The following CNGB3 variants were observed in gnomAD, a reference collection of about 807,000 sequenced individuals.
CNGB3 encodes the protein cyclic nucleotide-gated channel beta-3.
CNGB3 carries 86 observed loss-of-function variants against 92.8 expected under a neutral mutation model. The ratio of observed to expected loss-of-function variants is 0.93; its 90% CI spans 0.78 to 1.11. The LOEUF (loss-of-function observed/expected upper bound fraction) is 1.11. Among genes scored for constraint, CNGB3 ranks in the 50% least tolerant of loss-of-function variants. The pLI is 0.00. For missense variants in CNGB3, 1,026 were observed against 956.8 expected (o/e 1.07, Z -0.95); for synonymous variants, 333 against 332.7 (o/e 1.00, Z -0.01).
At chr8:86,619,151 G>A (rs1201092100) in intron 13 of CNGB3, among the ~76,000 whole-genome samples, 1 of 152,204 alleles carries the variant, frequency 6.6e-6, no homozygotes, top group African/African-American at 2.4e-5. Flanking sequence ...ACTGGGGGCT[G>A]TTTCTAAAGG....
At chr8:86,591,592 C>T (rs1485929479) in intron 15 of CNGB3, among the ~76,000 whole-genome samples, 4 of 152,022 alleles carry the variant, frequency 2.6e-5, no homozygotes, top group African/African-American at 4.8e-5. Flanking sequence ...TGTTGGAGTA[C>T]CCTGCCGTGT....
intron 13 of CNGB3, among the ~76,000 whole-genome samples, chr8:86,618,541 G>A (rs1297270481): frequency 6.6e-6 from 1 of 152,136 alleles, no homozygotes. Context: ...GGCTCCAGAG[G>A]GCAGAAACAA....
At chr8:86,602,436 A>G (rs1296928800) in intron 15 of CNGB3, among the ~76,000 whole-genome samples, 1 of 152,200 alleles carries the variant, frequency 6.6e-6, no homozygotes, top group East Asian at 1.9e-4. Context: ...TCCAGAACAC[A>G]AAGATAACTT....
At chr8:86,674,521 G>T (rs1403036482) in intron 3 of CNGB3, among the ~76,000 whole-genome samples, 1 of 151,846 alleles carries the variant, frequency 6.6e-6, no homozygotes, top group African/African-American at 2.4e-5. Flanking sequence ...TTTTCTTTAG[G>T]TAATTTTGTT....
intron 15 of CNGB3, among the ~76,000 whole-genome samples, chr8:86,590,434 T>C (rs1822002298): frequency 6.6e-6 from 1 of 152,154 alleles, no homozygotes; most frequent in South Asian, 2.1e-4. Flanking sequence ...CTTCCTAGTC[T>C]CGATGGTCTT....
At position 86,680,579 on chromosome 8, in the gene CNGB3, G is replaced by A. The variant is rs146076881; in HGVS notation, c.339-9481C>T. On this transcript the variant is annotated intron_variant, in intron 3 of 17. Transcript: ENST00000320005. ...CTGCATTCAGTTGATAAGTGCAGAA[G>A]CATTTTCCTCTAGGTGGTGAGAGGG... Among the ~76,000 whole-genome samples, 779 of 152,282 alleles carry A rather than the reference G, an allele frequency of 5.1e-3. 7 individuals are homozygous for A. The highest frequency in any genetic ancestry group is 5.6e-3 in the Non-Finnish European group (384 of 68,024).
At chr8:86,690,615 A>C (rs1189376859) in intron 3 of CNGB3, among the ~76,000 whole-genome samples, 1 of 152,144 alleles carries the variant, frequency 6.6e-6, no homozygotes, top group East Asian at 1.9e-4. Context: ...TTGGTGTCTT[A>C]GACATGAAGT....
intron 10 of CNGB3, among the ~76,000 whole-genome samples, chr8:86,640,095 T>C (rs1201814373): frequency 2.0e-5 from 3 of 152,092 alleles, no homozygotes; most frequent in South Asian, 2.1e-4. Context: ...TATCAAATCT[T>C]TTATATGTTT....
Position 86,628,990 on chromosome 8 carries a change from G to C in CNGB3, c.1409C>G (p.Ser470Cys), listed in dbSNP as rs749937651. Reference protein sequence around the residue: ...DDTIAYMNNYSIPKLVQKRVR... With the variant: ...DDTIAYMNNYCIPKLVQKRVR... ...TCGCTTTTGCACAAGTTTAGGAATG[G>C]AGTAATTGTTCATGTAGGCAATGGT... The change falls in exon 12 of 18, where the codon TCC becomes TGC. Residue 470 changes from serine (S) to cysteine (C), a missense_variant. Transcript: ENST00000320005. 6.2e-7 allele frequency: 1 copy of C among 1,613,984 alleles called. No homozygotes were observed. The highest frequency in any genetic ancestry group is 8.5e-7 in the Non-Finnish European group (1 of 1,179,938).
chr8:86,712,779 T>C lies in CNGB3; in HGVS notation c.338+13752A>G, dbSNP rs1476382707. ...AATTTTTTTTTTTTTTTTTTTTAGA[T>C]GAGGTCTTGCTGTGTTGCCTAGGCG... is the stretch of plus-strand genomic sequence containing the variant. On this transcript the variant is annotated intron_variant, in intron 3 of 17. Transcript: ENST00000320005. Among the ~76,000 whole-genome samples, 5 of 143,214 alleles carry C rather than the reference T, an allele frequency of 3.5e-5. No individual in the cohort carries two copies. In the Admixed American group the frequency reaches 3.6e-4, roughly 10 times the overall value. The allele number at this position is 143,214 out of a possible 152,430, so 94.0% of individuals were successfully genotyped here.
chr8:86,587,295 G>C (rs1330320811), intron 15 of CNGB3, among the ~76,000 whole-genome samples: 31 of 152,008 alleles, frequency 2.0e-4, no homozygotes, highest in African/African-American at 3.9e-4. Flanking sequence ...GTTGCCTGTT[G>C]ACTCTGATGG....
chr8:86,709,765 T>C (rs1824715684), intron 3 of CNGB3, among the ~76,000 whole-genome samples: 1 of 152,144 alleles, frequency 6.6e-6, no homozygotes, highest in Non-Finnish European at 1.5e-5. Flanking sequence ...TTATGGCTAA[T>C]GAAAACAGCC....
chr8:86,632,059 T>C (rs2131584871), intron 11 of CNGB3, among the ~76,000 whole-genome samples: 1 of 151,846 alleles, frequency 6.6e-6, no homozygotes, highest in Non-Finnish European at 1.5e-5. Flanking sequence ...ATTAGCTTGG[T>C]GTGGTGGGGT....
chr8:86,679,538 T>C (rs1340457177), intron 3 of CNGB3, among the ~76,000 whole-genome samples: 2 of 152,104 alleles, frequency 1.3e-5, no homozygotes, highest in African/African-American at 4.8e-5. Context: ...CTTTTTCTTT[T>C]TTTTTGAAAA....
In CNGB3 at chr8:86,604,177, T is replaced by C. The variant is rs1275855280; in HGVS notation, c.1697A>G (p.His566Arg). 1.2e-6 allele frequency: 2 copies of C among 1,613,398 alleles called. No individual in the cohort carries two copies. The highest frequency in any genetic ancestry group is 2.2e-5 in the South Asian group (2 of 91,056). The change falls in exon 15 of 18, where the codon CAT becomes CGT. Residue 566 changes from histidine (H) to arginine (R), a missense_variant. His to Arg is a conservative substitution (Grantham distance 29). Coordinates refer to ENST00000320005, the MANE Select transcript of CNGB3 (RefSeq NM_019098.5). The stretch of plus-strand genomic sequence containing the variant: ...GCCTCCAAGAACTTGGACTTCTCCA[T>C]GCTTGATGATATACATTTCCTTGCC... Reference protein sequence around the residue: ...EIGKEMYIIKHGEVQVLGGPD... With the variant: ...EIGKEMYIIKRGEVQVLGGPD...
chr8:86,576,129 T>C lies in CNGB3; in HGVS notation c.2105A>G (p.Lys702Arg). ...CTCTCCTCCTTCAGAATTTTCTTTCTTCTGGAAGGAGCAATTACAAAGAAC... is the reference window on the plus strand; with the variant it reads ...CTCTCCTCCTTCAGAATTTTCTTTCCTCTGGAAGGAGCAATTACAAAGAAC... ...LKLKREQAAQ[K>R]KENSEGGEEE... Residue 702 changes from lysine to arginine, a missense_variant and splice_region_variant, in exon 18 of 18, where the codon AAG becomes AGG. Lys to Arg is a conservative substitution (Grantham distance 26, BLOSUM62 2). Transcript: ENST00000320005. 6.2e-7 allele frequency: 1 copy of C among 1,603,304 alleles called. No homozygotes were observed. The highest frequency in any genetic ancestry group is 8.5e-7 in the Non-Finnish European group (1 of 1,179,076).
intron 3 of CNGB3, chr8:86,703,889 A>G (rs1824602404): frequency 6.6e-6 from 1 of 151,974 alleles, no homozygotes; most frequent in African/African-American, 2.4e-5. Context: ...ACTATTGTGG[A>G]CATGTAAATT....
At chr8:86,660,164 A>T in intron 6 of CNGB3, 1 of 304,566 alleles carries the variant, frequency 3.3e-6, no homozygotes. Context: ...TTGTCTCAGG[A>T]TTGCTGCCAT....
chr8:86,698,276 C>T (rs893311858), intron 3 of CNGB3, among the ~76,000 whole-genome samples: 2 of 152,104 alleles, frequency 1.3e-5, no homozygotes, highest in Non-Finnish European at 2.9e-5. Context: ...TCTTTGAAAA[C>T]CAAATATAAG....
Sources: gnomAD v4.1 joint callset for allele counts (sites outside exome capture counted in the v4.1 genomes callset) on GRCh38, gnomAD v4.1.1 for gene constraint, MANE v1.5 for transcripts, NCBI Gene and HGNC (gene_info 2026-07-23, HGNC 2026-07-21) for gene names.